ARHGAP27: variants seen among roughly 807,000 people sequenced by gnomAD.
ARHGAP27 encodes Rho GTPase activating protein 27, also known as rho GTPase-activating protein 27.
ARHGAP27 carries 53 observed loss-of-function variants against 102.0 expected under a neutral mutation model. The observed-to-expected ratio is 0.52, with a 90% CI of 0.42 to 0.65. ARHGAP27 has a LOEUF of 0.65. Among genes scored for constraint, ARHGAP27 ranks in the 30% least tolerant of loss-of-function variants. The pLI is 0.00. For missense variants in ARHGAP27, 1,117 were observed against 1,256.2 expected (o/e 0.89, Z 1.68); for synonymous variants, 525 against 542.8 (o/e 0.97, Z 0.46).
At chr17:45,419,409 C>G (rs1391413332) in intron 4 of ARHGAP27, among the ~76,000 whole-genome samples, 1 of 150,812 alleles carries the variant, frequency 6.6e-6, no homozygotes, top group African/African-American at 2.4e-5. Flanking sequence ...ATATATGTGT[C>G]TCTTTATATA....
chr17:45,404,409 G>A, intron 8 of ARHGAP27, 36 bp downstream of exon 8: 1 of 1,613,868 alleles, frequency 6.2e-7, no homozygotes, highest in South Asian at 1.1e-5. Context: ...TGCTTCTGTG[G>A]TGGTCCTGCC....
chr17:45,395,823 G>T lies in ARHGAP27; in HGVS notation c.2413C>A (p.Arg805Ser). Reference protein sequence around the residue: ...IKLQDQARRSRCVRDLVRSLP... With the variant: ...IKLQDQARRSSCVRDLVRSLP... ...GAGCGCACCAAGTCACGCACACAGC[G>T]GCTGCGCCGGGCCTGGTCCTGCAAC... is the stretch of plus-strand genomic sequence containing the variant. The change falls in exon 19 of 20, where the codon CGC (arginine) becomes AGC (serine). Residue 805 changes from arginine to serine, a missense_variant. Physicochemically the swap from Arg to Ser is moderately radical, Grantham distance 110 (BLOSUM62 -1). Transcript: ENST00000685559. 6.2e-7 allele frequency: 1 copy of T among 1,602,982 alleles called. No homozygotes were observed. Among genetic ancestry groups the T allele is most frequent in the Non-Finnish European group, 8.5e-7 (1 of 1,175,692 alleles).
At chr17:45,410,120 T>G in intron 4 of ARHGAP27, 1 of 1,295,558 alleles carries the variant, frequency 7.7e-7, no homozygotes, top group Non-Finnish European at 1.0e-6. Context: ...GAAAAGGAAG[T>G]ATGAGCCCCA....
intron 4 of ARHGAP27, among the ~76,000 whole-genome samples, chr17:45,428,139 C>T (rs1356088975): frequency 6.6e-6 from 1 of 152,262 alleles, no homozygotes; most frequent in East Asian, 1.9e-4. Context: ...CCTCCAGGGG[C>T]TCTGCTCAGA....
rs2049913874 is a variant in ARHGAP27, at chr17:45,429,712, G to A, written c.568C>T (p.Pro190Ser). ...GAGTCGCTGCGCGCCAGAGGCCGCG[G>A]GCACACCCAGGAGCCCGCCACGCTG... is the stretch of plus-strand genomic sequence containing the variant. ...ACSVAGSWVC[P>S]RPLARSDSEN... is the part of the protein sequence containing the mutation. The change falls in exon 4 of 20, where the codon CCG (proline) becomes TCG (serine). Residue 190 changes from proline (P) to serine (S), a missense_variant. By Grantham distance (74) the Pro-to-Ser change is moderately conservative. Coordinates refer to ENST00000685559, the MANE Select transcript of ARHGAP27 (RefSeq NM_001282290.2). The A allele has an allele frequency of 1.3e-6, 2 of 1,550,294 alleles. No individual in the cohort carries two copies. The highest frequency in any genetic ancestry group is 1.4e-5 in the African/African-American group (1 of 72,932).
rs776477046 is a variant in ARHGAP27 at position 45,429,791 on chromosome 17, G to C, written c.489C>G (p.Ala163=). The C allele has an allele frequency of 1.3e-6, 2 of 1,519,166 alleles. No individual in the cohort carries two copies. The highest frequency in any genetic ancestry group is 2.4e-5 in the South Asian group (2 of 82,706). 94.1% of individuals were successfully genotyped at this position (1,519,166 alleles called of 1,614,324 possible). A position where few individuals can be genotyped will look rare whatever the true frequency, so the allele number is the denominator to read the frequency against. Residue 163 remains alanine (A), a synonymous_variant, in exon 4 of 20, where the codon GCC becomes GCG. Coordinates refer to ENST00000685559, the MANE Select transcript of ARHGAP27 (RefSeq NM_001282290.2). ...GGAGGCCGGCGGGAGGCGAGACGGCGGCGCAGGCCAGGTCGTTCAGGGACT... is the reference window on the plus strand; with the variant it reads ...GGAGGCCGGCGGGAGGCGAGACGGCCGCGCAGGCCAGGTCGTTCAGGGACT... ...PAQSLNDLAC[A]AVSPPAGLLG... is the part of the protein sequence containing the mutation.
At chr17:45,405,228 G>C in intron 5 of ARHGAP27, 122 bp from the exon 6 acceptor site, 2 of 1,097,432 alleles carry the variant, frequency 1.8e-6, no homozygotes, top group Middle Eastern at 3.1e-4. Flanking sequence ...AGCAGGAGGC[G>C]GGGTCAGAAG....
At position 45,395,462 on chromosome 17, in the gene ARHGAP27, C is replaced by A; in HGVS notation, c.2664G>T (p.Pro888=). ...CCCAGTCACAGGCCAGCAGTCAGTG[C>A]GGCGGGAAGATGTCCGCGCACTGCT... ...ILQQCADIFP[P]H is the part of the protein sequence containing the mutation. The change falls in exon 20 of 20, where the codon CCG becomes CCT. Residue 888 remains proline, a synonymous_variant. Transcript: ENST00000685559. 3 of 1,558,888 alleles carry A rather than the reference C, an allele frequency of 1.9e-6. No individual in the cohort carries two copies. The highest frequency in any genetic ancestry group is 2.6e-6 in the Non-Finnish European group (3 of 1,150,412).
chr17:45,407,001 G>A (rs1365438446), intron 4 of ARHGAP27, among the ~76,000 whole-genome samples: 1 of 152,126 alleles, frequency 6.6e-6, no homozygotes, highest in Non-Finnish European at 1.5e-5. Flanking sequence ...GCAGCTGGGG[G>A]TTCAATCACA....
chr17:45,398,207 A>C (rs1379661906), intron 12 of ARHGAP27, among the ~76,000 whole-genome samples, 160 bp from the exon 13 acceptor site: 1 of 152,204 alleles, frequency 6.6e-6, no homozygotes, highest in Admixed American at 6.5e-5. Context: ...TAAGTCTTGG[A>C]TCTCTGCCTC....
intron 4 of ARHGAP27, 43 bp downstream of exon 4, chr17:45,429,580 T>G: frequency 6.3e-7 from 1 of 1,577,588 alleles, no homozygotes; most frequent in Non-Finnish European, 8.6e-7. Flanking sequence ...GCGCGGTCCC[T>G]AGCGCGCCAC....
intron 13 of ARHGAP27, chr17:45,397,293 A>G: frequency 7.5e-7 from 1 of 1,339,468 alleles, no homozygotes; most frequent in Non-Finnish European, 9.5e-7. Context: ...ACTCCTACCC[A>G]CCTGGTGCCT....
intron 4 of ARHGAP27, chr17:45,410,051 G>C: frequency 1.4e-6 from 1 of 730,098 alleles, no homozygotes; most frequent in Non-Finnish European, 2.2e-6. Flanking sequence ...TGGCAGCCCT[G>C]CCACTCTTGC....
intron 4 of ARHGAP27, among the ~76,000 whole-genome samples, chr17:45,425,858 C>T (rs573531208): frequency 1.3e-5 from 2 of 152,324 alleles, no homozygotes; most frequent in South Asian, 2.1e-4. Context: ...CCTGGCTTCC[C>T]AGAGCTCCCT....
At chr17:45,404,580 C>T in intron 7 of ARHGAP27, 21 bp downstream of exon 7, 1 of 1,613,918 alleles carries the variant, frequency 6.2e-7, no homozygotes, top group Non-Finnish European at 8.5e-7. Flanking sequence ...CCCCAACACC[C>T]CCCTTTCCCC....
rs765377054 is a variant in ARHGAP27 at position 45,429,603 on chromosome 17, C to CCCAG, written c.657+16_657+19dup. 45 of 1,575,386 alleles carry CCCAG rather than the reference C, an allele frequency of 2.9e-5. No homozygotes were observed. Among genetic ancestry groups the CCCAG allele is most frequent in the Non-Finnish European group, 3.5e-5 (41 of 1,161,166 alleles). On this transcript the variant is annotated intron_variant, in intron 4 of 19. Coordinates refer to ENST00000685559, the MANE Select transcript of ARHGAP27 (RefSeq NM_001282290.2). Reference sequence around the variant, plus strand: ...CCTAGCGCGCCACCCGCCTCCGCGCCCCAGCGCCCGGGGAGGTACCTGCTC... The same window carrying CCCAG: ...CCTAGCGCGCCACCCGCCTCCGCGCCCCAGCCAGCGCCCGGGGAGGTACCTGCTC...
At position 45,395,536 on chromosome 17, in the gene ARHGAP27, T is replaced by G. The variant is rs961232463; in HGVS notation, c.2590A>C (p.Met864Leu). The change falls in exon 20 of 20, where the codon ATG (methionine) becomes CTG (leucine). Residue 864 changes from methionine to leucine, a missense_variant. Met to Leu is a conservative substitution (Grantham distance 15). This residue lies in a region of ARHGAP27 where 493 missense variants were observed against 505.5 expected (regional missense o/e 0.98). Transcript: ENST00000685559. ...TTCTGGAACACCATGGTCATGGGCA[T>G]GCTGGTCTCTTCCACCTCGGGCCGC... ...LLRPEVEETS[M>L]PMTMVFQNQV... is the part of the protein sequence containing the mutation. 12 of 1,602,452 alleles carry G rather than the reference T, an allele frequency of 7.5e-6. No individual in the cohort carries two copies. Among genetic ancestry groups the G allele is most frequent in the Middle Eastern group, 1.6e-4 (1 of 6,074 alleles).
Position 45,421,454 on chromosome 17 carries a change from C to G in ARHGAP27, c.657+8169G>C, listed in dbSNP as rs142435163. Among the ~76,000 whole-genome samples the G allele has an allele frequency of 2.7e-3, 413 of 151,988 alleles. 3 individuals carry two copies. The highest frequency in any genetic ancestry group is 9.5e-3 in the African/African-American group (395 of 41,464). On this transcript the variant is annotated intron_variant, in intron 4 of 19. Transcript: ENST00000685559. ...CCGTGATCGTGCCATAGCACTCCAG[C>G]CTGGGTGGCACAGTAGACCCTGTCT...
rs2045461364 is a variant in ARHGAP27 at position 45,395,336 on chromosome 17, A to G, written c.*120T>C. 2 of 1,300,664 alleles carry G rather than the reference A, an allele frequency of 1.5e-6. No homozygotes were observed. The highest frequency in any genetic ancestry group is 5.1e-5 in the East Asian group (2 of 39,210). The allele number at this position is 1,300,664 out of a possible 1,614,324, so 80.6% of individuals were successfully genotyped here. ...TCAGAACCGAGGGTGCAGAAGTCAC[A>G]CCGGCCTGCGGCTATGCGCTGGCGG... On this transcript the variant is annotated 3_prime_UTR_variant, in exon 20 of 20. Transcript: ENST00000685559.
Sources: gnomAD v4.1 joint callset for allele counts (sites outside exome capture counted in the v4.1 genomes callset) on GRCh38, gnomAD v4.1.1 for gene constraint, gnomAD v4.1.1 regional missense constraint, MANE v1.5 for transcripts, NCBI Gene and HGNC (gene_info 2026-07-23, HGNC 2026-07-21) for gene names.